Variants in TFR2 observed in about 807,000 individuals in gnomAD.
TFR2 encodes the protein transferrin receptor protein 2.
A neutral mutation model predicts 91.9 loss-of-function variants in TFR2; 64 were observed. The ratio of observed to expected loss-of-function variants is 0.70; its 90% CI spans 0.57 to 0.86. TFR2 has a LOEUF of 0.86. Among genes scored for constraint, TFR2 ranks in the 40% least tolerant of loss-of-function variants. TFR2 has a pLI of 0.00. For missense variants in TFR2, 950 were observed against 1,080.5 expected (o/e 0.88, Z 1.69); for synonymous variants, 454 against 459.6 (o/e 0.99, Z 0.15).
At chr7:100,628,944 T>C (rs1338192829) in intron 10 of TFR2, among the ~76,000 whole-genome samples, 1 of 151,812 alleles carries the variant, frequency 6.6e-6, no homozygotes, top group Non-Finnish European at 1.5e-5. Flanking sequence ...TTTTTGTATT[T>C]TTAGTAGAGG....
At chr7:100,625,058 TC>T (rs1803217411) in intron 17 of TFR2, among the ~76,000 whole-genome samples, 1 of 112,484 alleles carries the variant, frequency 8.9e-6, no homozygotes. Flanking sequence ...TTTTTCTTTT[TC>T]TTTTTTTTTT....
chr7:100,629,218 C>A lies in TFR2; in HGVS notation c.1390+35G>T, dbSNP rs758466203. 31 of 1,612,566 alleles carry A rather than the reference C, an allele frequency of 1.9e-5. No individual in the cohort carries two copies. In the South Asian group the frequency reaches 3.2e-4, roughly 17 times the overall value. On this transcript the variant is annotated intron_variant, in intron 10 of 17. Transcript: ENST00000223051. Reference sequence around the variant, plus strand: ...TCCTCGGGCCACAGGCCCACCGCTGCCTAGCCCAGGCCCAGGCCCTGGCCC... The same window carrying A: ...TCCTCGGGCCACAGGCCCACCGCTGACTAGCCCAGGCCCAGGCCCTGGCCC...
intron 3 of TFR2, among the ~76,000 whole-genome samples, chr7:100,637,313 C>T (rs552441219): frequency 9.9e-5 from 15 of 152,038 alleles, no homozygotes; most frequent in East Asian, 5.8e-4. Context: ...GCAGGAGAAT[C>T]GCTTGAACCC....
chr7:100,641,184 C>T lies in TFR2; in HGVS notation c.78G>A (p.Val26=). 6.6e-7 allele frequency: 1 copy of T among 1,524,888 alleles called. No individual in the cohort carries two copies. The highest frequency in any genetic ancestry group is 8.8e-7 in the Non-Finnish European group (1 of 1,135,158). The allele number at this position is 1,524,888 out of a possible 1,614,324, so 94.5% of individuals were successfully genotyped here. Reference sequence around the variant, plus strand: ...CCAGGTGCCCTTTCCGGGGGCCTTCCACACGCTGGTAGACGGTCTGAGAGG... The same window carrying T: ...CCAGGTGCCCTTTCCGGGGGCCTTCTACACGCTGGTAGACGGTCTGAGAGG... The part of the protein sequence containing the change: ...PRSSQTVYQR[V]EGPRKGHLEE... The change falls in exon 2 of 18, where the codon GTG becomes GTA. Residue 26 remains valine, a synonymous_variant. Coordinates refer to ENST00000223051, the MANE Select transcript of TFR2 (RefSeq NM_003227.4).
chr7:100,624,901 G>A (rs1390435409), intron 17 of TFR2, among the ~76,000 whole-genome samples: 1 of 151,508 alleles, frequency 6.6e-6, no homozygotes, highest in South Asian at 2.1e-4. Context: ...ACAAGCGGCA[G>A]TTTGAATTTG....
chr7:100,641,341 G>T, intron 1 of TFR2, 113 bp from the exon 2 acceptor site: 1 of 1,428,792 alleles, frequency 7.0e-7, no homozygotes, highest in Non-Finnish European at 9.5e-7. Flanking sequence ...GGTGGTGGGG[G>T]CGTGGGGGAG....
chr7:100,641,215 G>A lies in TFR2; in HGVS notation c.47C>T (p.Pro16Leu). 1.3e-6 allele frequency: 2 copies of A among 1,536,476 alleles called. No individual in the cohort carries two copies. The highest frequency in any genetic ancestry group is 2.4e-5 in the South Asian group (2 of 81,678). ...GLFQRAQQLSPRSSQTVYQRV... is the reference protein window; with the variant it reads ...GLFQRAQQLSLRSSQTVYQRV... ...CTGGTAGACGGTCTGAGAGGATCTTGGGGACAGTTGTTGCTGTGCAGGCGA... is the reference window on the plus strand; with the variant it reads ...CTGGTAGACGGTCTGAGAGGATCTTAGGGACAGTTGTTGCTGTGCAGGCGA... The change falls in exon 2 of 18, where the codon CCA (proline) becomes CTA (leucine). Residue 16 changes from proline (P) to leucine (L), a missense_variant. Coordinates refer to ENST00000223051, the MANE Select transcript of TFR2 (RefSeq NM_003227.4).
Position 100,633,284 on chromosome 7 carries a change from AGCT to A in TFR2, c.668_670del (p.Gln223del), listed in dbSNP as rs1803502856. 6.2e-7 allele frequency: 1 copy of A among 1,613,646 alleles called. No individual in the cohort carries two copies. Among genetic ancestry groups the A allele is most frequent in the Non-Finnish European group, 8.5e-7 (1 of 1,179,868 alleles). ...GTAGACGTCAGGGTCCTCCAGCGGC[AGCT>A]GCTCTCCGACCTTCCCGGCCTCATC... On this transcript the variant is annotated inframe_deletion, in exon 5 of 18. Transcript: ENST00000223051.
chr7:100,620,642 T>A lies in TFR2; in HGVS notation c.*215A>T. ...ATGCTACTCTCTGATTAACCGACAG[T>A]ATGACCGTCACATTAGGGTCAGCTA... On this transcript the variant is annotated 3_prime_UTR_variant, in exon 18 of 18. Coordinates refer to ENST00000223051, the MANE Select transcript of TFR2 (RefSeq NM_003227.4). The A allele has an allele frequency of 1.7e-6, 1 of 603,604 alleles. No individual in the cohort carries two copies. The highest frequency in any genetic ancestry group is 2.9e-6 in the Non-Finnish European group (1 of 346,792). 37.4% of individuals were successfully genotyped at this position (603,604 alleles called of 1,614,324 possible). A position where few individuals can be genotyped will look rare whatever the true frequency, so the allele number is the denominator to read the frequency against.
rs41302363 is a variant in TFR2 at position 100,640,764 on chromosome 7, T to C, written c.395A>G (p.Gln132Arg). ...VNYEPDLDFH[Q>R]GRLYWSDLQA... ...GAGGTCGCTCCAGTAGAGTCTGCCCTGGTGGAAATCCAGGTCAGGCTCATA... is the reference window on the plus strand; with the variant it reads ...GAGGTCGCTCCAGTAGAGTCTGCCCCGGTGGAAATCCAGGTCAGGCTCATA... The change falls in exon 3 of 18, where the codon CAG becomes CGG. Residue 132 changes from glutamine (Q) to arginine (R), a missense_variant. Gln to Arg is a conservative substitution (Grantham distance 43). Transcript: ENST00000223051. 1 of 1,614,096 alleles carries C rather than the reference T, an allele frequency of 6.2e-7. No homozygotes were observed. The highest frequency in any genetic ancestry group is 1.7e-5 in the Admixed American group (1 of 60,020).
chr7:100,629,520 C>G (rs541478502), intron 9 of TFR2, 148 bp from the exon 10 acceptor site: 89 of 1,491,144 alleles, frequency 6.0e-5, no homozygotes, highest in Non-Finnish European at 7.2e-5. Context: ...CGCCCCTCCC[C>G]ACTTGGCCCT....
At chr7:100,634,846 A>C (rs1160629801) in intron 3 of TFR2, among the ~76,000 whole-genome samples, 1 of 152,232 alleles carries the variant, frequency 6.6e-6, no homozygotes, top group East Asian at 1.9e-4. Context: ...TAGACTCGTC[A>C]GTTCCTCAAC....
chr7:100,624,401 C>T (rs1803197871), intron 17 of TFR2, among the ~76,000 whole-genome samples: 1 of 152,230 alleles, frequency 6.6e-6, no homozygotes, highest in Admixed American at 6.6e-5. Flanking sequence ...AGATCCAAGT[C>T]ACAGTCTAAA....
In TFR2 at chr7:100,628,211, G is replaced by C. The variant is rs200201634; in HGVS notation, c.1473+13C>G. ...CCCCAATGCCTAACGACCTGCCCGG[G>C]ACCCCGTATCACCTCTAGCCACTCC... On this transcript the variant is annotated intron_variant, in intron 11 of 17. Transcript: ENST00000223051. The C allele has an allele frequency of 3.6e-4, 578 of 1,613,384 alleles. No individual in the cohort carries two copies. The highest frequency in any genetic ancestry group is 4.5e-4 in the Non-Finnish European group (534 of 1,179,762).
intron 3 of TFR2, among the ~76,000 whole-genome samples, chr7:100,637,835 A>AT (rs71126327): frequency 0.86 from 124,382 of 144,186 alleles, 53,807 homozygotes; most frequent in African/African-American, 0.93. Flanking sequence ...ATGTAATTTA[A>AT]TTTTTTTTTT....
intron 9 of TFR2, among the ~76,000 whole-genome samples, chr7:100,630,274 CTCTTTCTT>C (rs753521063): frequency 2.0e-5 from 3 of 148,156 alleles, no homozygotes; most frequent in Non-Finnish European, 3.0e-5. Context: ...TTCTCTTTCT[CTCTTTCTT>C]TCTTTCTCTT....
intron 16 of TFR2, 129 bp from the exon 17 acceptor site, chr7:100,627,032 A>G: frequency 7.1e-7 from 1 of 1,411,114 alleles, no homozygotes; most frequent in Non-Finnish European, 9.4e-7. Flanking sequence ...GAGGAGGTAG[A>G]CGAGGACAGA....
intron 17 of TFR2, among the ~76,000 whole-genome samples, chr7:100,622,869 G>A (rs1803145186): frequency 6.6e-6 from 1 of 152,192 alleles, no homozygotes; most frequent in Non-Finnish European, 1.5e-5. Flanking sequence ...TGAGGCACAA[G>A]AATAGCCTGA....
At chr7:100,639,500 A>G (rs1407122960) in intron 3 of TFR2, among the ~76,000 whole-genome samples, 1 of 152,150 alleles carries the variant, frequency 6.6e-6, no homozygotes, top group Admixed American at 6.6e-5. Flanking sequence ...AAGCATTGCT[A>G]TTAAAGTCAG....
Sources: gnomAD v4.1 joint callset for allele counts (sites outside exome capture counted in the v4.1 genomes callset) on GRCh38, gnomAD v4.1.1 for gene constraint, MANE v1.5 for transcripts, NCBI Gene and HGNC (gene_info 2026-07-23, HGNC 2026-07-21) for gene names.